The following SEMA6D variants were observed in gnomAD, a reference collection of about 807,000 sequenced individuals.
SEMA6D encodes semaphorin-6D.
A neutral mutation model predicts 106.6 loss-of-function variants in SEMA6D; 35 were observed. The ratio of observed to expected loss-of-function variants is 0.33; its 90% CI spans 0.25 to 0.44. The LOEUF (loss-of-function observed/expected upper bound fraction) is 0.44, where lower values mean the gene tolerates loss of function less well. SEMA6D is among the 20% of genes least tolerant of loss of function. The pLI is 1.00. For missense variants in SEMA6D, 1,185 were observed against 1,345.9 expected (o/e 0.88, Z 1.87); for synonymous variants, 499 against 487.7 (o/e 1.02, Z -0.31).
chr15:47,401,579 A>G (rs1303575587), intron 1 of SEMA6D, among the ~76,000 whole-genome samples: 10 of 152,082 alleles, frequency 6.6e-5, no homozygotes, highest in Non-Finnish European at 1.5e-4. Flanking sequence ...CATGTCTGCT[A>G]CTTTGTCAGC....
intron 1 of SEMA6D, among the ~76,000 whole-genome samples, chr15:47,235,701 A>G (rs879142114): frequency 5.9e-5 from 9 of 152,074 alleles, no homozygotes; most frequent in Admixed American, 2.0e-4. Context: ...TGTCAGTACC[A>G]TGCTGTTTTG....
At chr15:47,697,773 C>T (rs200506422) in intron 4 of SEMA6D, among the ~76,000 whole-genome samples, 18 of 152,212 alleles carry the variant, frequency 1.2e-4, no homozygotes, top group East Asian at 5.8e-4. Context: ...TCTCAACCTG[C>T]GCCCCCACTT....
At position 47,768,708 on chromosome 15, in the gene SEMA6D, C is replaced by G. The variant is rs768698986; in HGVS notation, c.1893C>G (p.Asn631Lys). 6.2e-7 allele frequency: 1 copy of G among 1,613,520 alleles called. No individual in the cohort carries two copies. Among genetic ancestry groups the G allele is most frequent in the Non-Finnish European group, 8.5e-7 (1 of 1,179,590 alleles). The change falls in exon 18 of 19, where the codon AAC becomes AAG. Residue 631 changes from asparagine to lysine, a missense_variant. Around this residue, in one of 3 missense-constraint regions of SEMA6D, gnomAD observed 750 missense variants for 783.5 expected, o/e 0.96. Coordinates refer to ENST00000536845, the MANE Select transcript of SEMA6D (RefSeq NM_001358351.3). ...SRKFVVQDDP[N>K]TSDFTDPLSG... ...AATTTGTAGTTCAAGATGATCCAAA[C>G]ACTTCTGATTTTACTGATCCTTTAT...
At chr15:47,252,734 C>T (rs778747896) in intron 1 of SEMA6D, among the ~76,000 whole-genome samples, 16 of 152,230 alleles carry the variant, frequency 1.1e-4, no homozygotes, top group African/African-American at 3.4e-4. Flanking sequence ...ATTTCACACC[C>T]TTTTATAGCT....
chr15:47,616,336 AT>A (rs2077006118), intron 4 of SEMA6D, among the ~76,000 whole-genome samples: 1 of 151,632 alleles, frequency 6.6e-6, no homozygotes. Context: ...CGCCTGGCTA[AT>A]TTTTTTGTAT....
chr15:47,669,238 G>A (rs1334265967), intron 4 of SEMA6D, among the ~76,000 whole-genome samples: 7 of 152,060 alleles, frequency 4.6e-5, no homozygotes, highest in African/African-American at 7.2e-5. Context: ...ATTCCTTACC[G>A]CTTATTTTAA....
chr15:47,400,110 A>G (rs1181736992), intron 1 of SEMA6D, among the ~76,000 whole-genome samples: 3 of 152,234 alleles, frequency 2.0e-5, no homozygotes, highest in African/African-American at 7.2e-5. Context: ...AGAATTCTAG[A>G]GACTTCATAT....
intron 1 of SEMA6D, among the ~76,000 whole-genome samples, chr15:47,750,876 T>A (rs1233068): frequency 0.99 from 150,004 of 152,222 alleles, 73,951 homozygotes; most frequent in Middle Eastern, 1. Flanking sequence ...TGCATGCATG[T>A]GGTGGAGGGT....
chr15:47,193,783 G>A (rs1283291297), intron 1 of SEMA6D, among the ~76,000 whole-genome samples: 1 of 151,856 alleles, frequency 6.6e-6, no homozygotes, highest in African/African-American at 2.4e-5. Flanking sequence ...CTCTAGCTCT[G>A]CCTTCTCCTT....
intron 1 of SEMA6D, among the ~76,000 whole-genome samples, chr15:47,407,403 C>CAAAAAAAAAAAAAAAAAAAAAAAAAAAA (rs1462088729): frequency 1.2e-5 from 1 of 82,268 alleles, no homozygotes; most frequent in Admixed American, 1.3e-4. Context: ...ACAACAACAA[C>CAAAAAAAAAAAAAAAAAAAAAAAAAAAA]AACAACAAAA....
intron 1 of SEMA6D, among the ~76,000 whole-genome samples, chr15:47,253,094 T>A (rs553266299): frequency 1.3e-5 from 2 of 152,174 alleles, no homozygotes; most frequent in African/African-American, 2.4e-5. Flanking sequence ...CCATTCTAAC[T>A]GGGGTGAGGT....
At position 47,761,327 on chromosome 15, in the gene SEMA6D, T is replaced by C. The variant is rs2082050628; in HGVS notation, c.346-3T>C. 1 of 1,612,226 alleles carries C rather than the reference T, an allele frequency of 6.2e-7. No homozygotes were observed. Among genetic ancestry groups the C allele is most frequent in the Non-Finnish European group, 8.5e-7 (1 of 1,179,282 alleles). ...ATATTAATGTAACTACTACTTTCTT[T>C]AGGATGAATGCCACAACTTTATCAA... is the stretch of plus-strand genomic sequence containing the variant. On this transcript the variant is annotated splice_region_variant and splice_polypyrimidine_tract_variant and intron_variant, in intron 5 of 18. Coordinates refer to ENST00000536845, the MANE Select transcript of SEMA6D (RefSeq NM_001358351.3).
At chr15:47,687,952 G>C (rs1318994861) in intron 4 of SEMA6D, among the ~76,000 whole-genome samples, 1 of 152,120 alleles carries the variant, frequency 6.6e-6, no homozygotes, top group East Asian at 1.9e-4. Flanking sequence ...AATTTTGATA[G>C]CTCATGTTCC....
chr15:47,390,481 G>T (rs77714891), intron 1 of SEMA6D, among the ~76,000 whole-genome samples: 1 of 152,154 alleles, frequency 6.6e-6, no homozygotes, highest in East Asian at 1.9e-4. Flanking sequence ...GGGTAGGAAA[G>T]AGGGAGTGAA....
chr15:47,270,530 G>A (rs1367918298), intron 1 of SEMA6D, among the ~76,000 whole-genome samples: 1 of 151,650 alleles, frequency 6.6e-6, no homozygotes, highest in Non-Finnish European at 1.5e-5. Context: ...AGATATCCTT[G>A]CCTTCTTCTC....
At chr15:47,253,250 G>A (rs1451450453) in intron 1 of SEMA6D, among the ~76,000 whole-genome samples, 3 of 152,116 alleles carry the variant, frequency 2.0e-5, no homozygotes. Flanking sequence ...TATACATGCT[G>A]CATGTTAAAC....
At chr15:47,496,576 C>T (rs758893269) in intron 3 of SEMA6D, among the ~76,000 whole-genome samples, 4 of 152,050 alleles carry the variant, frequency 2.6e-5, no homozygotes, top group Non-Finnish European at 4.4e-5. Context: ...TTGATCTCAT[C>T]ATCATTAAAA....
intron 2 of SEMA6D, among the ~76,000 whole-genome samples, chr15:47,420,861 T>C (rs2041129323): frequency 6.6e-6 from 1 of 152,134 alleles, no homozygotes; most frequent in African/African-American, 2.4e-5. Context: ...TAGGGGCAGC[T>C]ATTCAGTTCT....
At chr15:47,572,185 A>G (rs1168850917) in intron 3 of SEMA6D, among the ~76,000 whole-genome samples, 1 of 152,188 alleles carries the variant, frequency 6.6e-6, no homozygotes, top group Admixed American at 6.5e-5. Flanking sequence ...GGGAATAACT[A>G]CTTCTAAAAT....
Sources: allele counts gnomAD v4.1 joint callset (sites outside exome capture counted in the v4.1 genomes callset), GRCh38; gene constraint gnomAD v4.1.1; regional missense constraint gnomAD v4.1.1; transcripts MANE v1.5; gene names NCBI Gene and HGNC (gene_info 2026-07-23, HGNC 2026-07-21).